MTFR1: variants seen among roughly 807,000 people sequenced by gnomAD.
MTFR1 encodes chondrocyte protein with a poly-proline region.
A neutral mutation model predicts 38.8 loss-of-function variants in MTFR1; 28 were observed. The ratio of observed to expected loss-of-function variants is 0.72; its 90% confidence interval spans 0.53 to 0.99. The LOEUF (loss-of-function observed/expected upper bound fraction) is 0.99. Ranked by LOEUF, MTFR1 falls within the 50% of genes least tolerant of loss-of-function variation. MTFR1 has a pLI of 0.00. For synonymous variants in MTFR1, 145 were observed against 137.0 expected (o/e 1.06, Z -0.41); for missense variants, 358 against 395.5 (o/e 0.91, Z 0.81).
At chr8:65,714,267 G>A (rs995741097), downstream of MTFR1, 7 of 150,840 alleles carry the variant, frequency 4.6e-5, no homozygotes, top group African/African-American at 1.7e-4. Context: ...CAGTATAGAC[G>A]GAAGAGTTTC....
At chr8:65,739,776 A>G (rs934509198) in intron 3 of MTFR1, among the ~76,000 whole-genome samples, 3 of 152,212 alleles carry the variant, frequency 2.0e-5, no homozygotes, top group African/African-American at 7.2e-5. Flanking sequence ...ATCTTGTTTC[A>G]TTATAAGAAA....
intron 1 of MTFR1, among the ~76,000 whole-genome samples, chr8:65,662,553 C>A (rs1459577144): frequency 1.4e-5 from 2 of 146,014 alleles, no homozygotes; most frequent in African/African-American, 5.0e-5. Context: ...CTCTGCCTGG[C>A]CGCCCATCGT....
rs573340927 is a variant in MTFR1 at position 65,659,610 on chromosome 8, T to G, written c.-80-10263T>G. Among the ~76,000 whole-genome samples the G allele has an allele frequency of 1.8e-4, 27 of 152,070 alleles. No homozygotes were observed. In the East Asian group the frequency reaches 5.0e-3, roughly 28 times the overall value. On this transcript the variant is annotated intron_variant, in intron 1 of 7. Coordinates refer to ENST00000262146, the MANE Select transcript of MTFR1 (RefSeq NM_014637.4). Reference sequence around the variant, plus strand: ...GAGATGTGCAGTTTCGGGGTAACAATATTGCAGGTAACCAAGGGAACAGAT... The same window carrying G: ...GAGATGTGCAGTTTCGGGGTAACAAGATTGCAGGTAACCAAGGGAACAGAT...
intron 1 of MTFR1, among the ~76,000 whole-genome samples, chr8:65,668,525 CTTTTTTT>C (rs144265003): frequency 6.3e-5 from 8 of 127,026 alleles, no homozygotes; most frequent in African/African-American, 2.0e-4. Flanking sequence ...TTTCTTTTTT[CTTTTTTT>C]TTTTTTTTTT....
At chr8:65,734,671 CT>C (rs1807047962) in intron 3 of MTFR1, 1 of 640,842 alleles carries the variant, frequency 1.6e-6, no homozygotes, top group Non-Finnish European at 2.8e-6. Context: ...CCAGCTAGAT[CT>C]CATTCTTGTG....
chr8:65,665,586 C>T (rs1049250754), intron 1 of MTFR1, among the ~76,000 whole-genome samples: 2 of 152,224 alleles, frequency 1.3e-5, no homozygotes, highest in African/African-American at 2.4e-5. Context: ...CATAATTTCT[C>T]TCATCTCCAA....
chr8:65,752,924 C>T (rs1384416752), intron 3 of MTFR1, among the ~76,000 whole-genome samples: 1 of 152,066 alleles, frequency 6.6e-6, no homozygotes, highest in Admixed American at 6.5e-5. Flanking sequence ...CCAAATCTGT[C>T]TTCCTTTCCA....
intron 1 of MTFR1, among the ~76,000 whole-genome samples, chr8:65,666,681 TA>T (rs1804390625): frequency 6.6e-6 from 1 of 152,182 alleles, no homozygotes; most frequent in South Asian, 2.1e-4. Context: ...TTAATAAGCA[TA>T]AAAATGTTCC....
At chr8:65,755,346 TTTTTG>T (rs911570669) in intron 3 of MTFR1, among the ~76,000 whole-genome samples, 11 of 152,062 alleles carry the variant, frequency 7.2e-5, no homozygotes, top group African/African-American at 1.2e-4. Flanking sequence ...AAAATTTAGG[TTTTTG>T]TTTTGTTTTG....
chr8:65,750,288 T>C (rs1320531033), intron 3 of MTFR1, among the ~76,000 whole-genome samples: 1 of 152,202 alleles, frequency 6.6e-6, no homozygotes, highest in Admixed American at 6.5e-5. Flanking sequence ...GCAGAATACT[T>C]GTACTGTATT....
chr8:65,669,504 T>A (rs1430122560), intron 1 of MTFR1, among the ~76,000 whole-genome samples: 1 of 152,024 alleles, frequency 6.6e-6, no homozygotes, highest in Non-Finnish European at 1.5e-5. Flanking sequence ...ACAGTTACTT[T>A]AAGCAAGCTG....
At chr8:65,692,955 G>T (rs1306651370) in intron 3 of MTFR1, among the ~76,000 whole-genome samples, 5 of 147,608 alleles carry the variant, frequency 3.4e-5, no homozygotes, top group African/African-American at 7.5e-5. Flanking sequence ...GAGTATAGTG[G>T]CACGATCTCG....
At chr8:65,759,367 T>C (rs531619586) in intron 3 of MTFR1, among the ~76,000 whole-genome samples, 1 of 152,312 alleles carries the variant, frequency 6.6e-6, no homozygotes, top group East Asian at 1.9e-4. Context: ...AACATCTGCA[T>C]CAGTCCCTCA....
At chr8:65,697,595 A>G (rs1805484053) in intron 4 of MTFR1, among the ~76,000 whole-genome samples, 2 of 152,194 alleles carry the variant, frequency 1.3e-5, no homozygotes, top group South Asian at 4.1e-4. Context: ...ACATTTGTGT[A>G]TAGGTTTTTG....
downstream of MTFR1, among the ~76,000 whole-genome samples, chr8:65,774,099 C>T (rs533039913): frequency 1.3e-5 from 2 of 152,232 alleles, no homozygotes; most frequent in East Asian, 1.9e-4. Flanking sequence ...GTTTCTTTCC[C>T]CTCCCATCTC....
At chr8:65,658,282 GTTA>G (rs1809320875) in intron 1 of MTFR1, among the ~76,000 whole-genome samples, 1 of 152,148 alleles carries the variant, frequency 6.6e-6, no homozygotes, top group Non-Finnish European at 1.5e-5. Context: ...TGCTAACAGA[GTTA>G]TTATGAAACT....
chr8:65,644,342 A>C (rs1228588071), upstream of MTFR1, among the ~76,000 whole-genome samples: 1 of 152,216 alleles, frequency 6.6e-6, no homozygotes, highest in African/African-American at 2.4e-5. Flanking sequence ...GGGTGGACAC[A>C]GGTCCCTACA....
chr8:65,719,363 G>A lies in MTFR1; in HGVS notation c.382-17G>A, dbSNP rs79989766. On this transcript the variant is annotated splice_polypyrimidine_tract_variant and intron_variant, in intron 2 of 3. Coordinates refer to the MTFR1 transcript ENST00000521247. ...TGCAGCATCAGTGTCCTCACTGCTC[G>A]ACTGTTCTCTCTGCAGTCCCTTCCA... 192 of 1,613,982 alleles carry A rather than the reference G, an allele frequency of 1.2e-4. 1 individual carries two copies. In the African/African-American group the frequency reaches 1.9e-3, roughly 16 times the overall value.
chr8:65,680,287 T>A (rs2129053178), intron 2 of MTFR1, among the ~76,000 whole-genome samples: 1 of 152,122 alleles, frequency 6.6e-6, no homozygotes, highest in Non-Finnish European at 1.5e-5. Flanking sequence ...CTTTAGACTC[T>A]CCTGTAGCTA....
Sources: allele counts gnomAD v4.1 joint callset (sites outside exome capture counted in the v4.1 genomes callset), GRCh38; gene constraint gnomAD v4.1.1; transcripts MANE v1.5; gene names NCBI Gene and HGNC (gene_info 2026-07-23, HGNC 2026-07-21).